The following CACNA1C variants were observed in gnomAD, a reference collection of about 807,000 sequenced individuals.
The protein encoded by CACNA1C is calcium voltage-gated channel subunit alpha1 C, also known as voltage-dependent L-type calcium channel subunit alpha-1C.
CACNA1C carries 30 observed loss-of-function variants against 229.0 expected under a neutral mutation model. The observed-to-expected ratio is 0.13, with a 90% CI of 0.10 to 0.18. The LOEUF (loss-of-function observed/expected upper bound fraction) is 0.18. Among genes scored for constraint, CACNA1C ranks in the 10% least tolerant of loss-of-function variants. The pLI is 1.00. For synonymous variants in CACNA1C, 1,114 were observed against 1,132.5 expected (o/e 0.98, Z 0.33); for missense variants, 1,658 against 2,845.0 (o/e 0.58, Z 9.49).
At chr12:2,156,731 G>C (rs1455627106) in intron 3 of CACNA1C, among the ~76,000 whole-genome samples, 2 of 152,202 alleles carry the variant, frequency 1.3e-5, no homozygotes, top group Non-Finnish European at 2.9e-5. Context: ...AAGTACCCGT[G>C]AATTCCACAA....
At chr12:2,284,285 A>G (rs1049992108) in intron 3 of CACNA1C, among the ~76,000 whole-genome samples, 2 of 147,180 alleles carry the variant, frequency 1.4e-5, no homozygotes, top group Admixed American at 1.4e-4. Context: ...TCTAGAACAG[A>G]CCTCTAGATT....
intron 5 of CACNA1C, among the ~76,000 whole-genome samples, chr12:2,483,904 G>A (rs968072240): frequency 4.6e-5 from 7 of 152,184 alleles, no homozygotes; most frequent in Non-Finnish European, 1.0e-4. Context: ...GAAAGCAGGT[G>A]TCTGTGCAGC....
chr12:2,076,041 C>A (rs1196512956), intron 1 of CACNA1C, among the ~76,000 whole-genome samples: 1 of 152,210 alleles, frequency 6.6e-6, no homozygotes, highest in Non-Finnish European at 1.5e-5. Context: ...GGACACAGGG[C>A]AGCCTGATAC....
chr12:2,019,208 T>A (rs1217476708), intron 1 of CACNA1C, among the ~76,000 whole-genome samples: 1 of 152,126 alleles, frequency 6.6e-6, no homozygotes, highest in Admixed American at 6.5e-5. Flanking sequence ...ACACCTGTAA[T>A]CCTGACCCTT....
Position 2,275,984 on chromosome 12 carries a change from C to T in CACNA1C, c.477+155554C>T, listed in dbSNP as rs996456168. Among the ~76,000 whole-genome samples the T allele has an allele frequency of 2.0e-5, 3 of 152,050 alleles. No homozygotes were observed. Among genetic ancestry groups the T allele is most frequent in the African/African-American group, 7.2e-5 (3 of 41,386 alleles). ...ATACAAAACCCAAGGATGCCCATGT[C>T]CTTTTATGTATGTAGATTATATGCA... On this transcript the variant is annotated intron_variant, in intron 3 of 46. Transcript: ENST00000399655. This position sits in a 1 kb window ranked among gnomAD's most constrained non-coding sequence, Gnocchi z 4.1.
chr12:2,203,198 A>G (rs2097649661), intron 3 of CACNA1C, among the ~76,000 whole-genome samples: 1 of 152,182 alleles, frequency 6.6e-6, no homozygotes, highest in Non-Finnish European at 1.5e-5. Flanking sequence ...GCGACCAGCC[A>G]GGACTGAGAA....
In CACNA1C at chr12:2,467,019, A is replaced by T. The variant is rs1348810795; in HGVS notation, c.757+9313A>T. On this transcript the variant is annotated intron_variant, in intron 5 of 46. Transcript: ENST00000399655. The surrounding 1 kb of genome is among the most constrained non-coding windows in gnomAD (Gnocchi z 4.6). ...AGGCCACATACCCTTAAACAACATGAGGGGACACTTACAAAGCTACTTATG... is the reference window on the plus strand; with the variant it reads ...AGGCCACATACCCTTAAACAACATGTGGGGACACTTACAAAGCTACTTATG... Among the ~76,000 whole-genome samples the T allele has an allele frequency of 6.6e-6, 1 of 152,108 alleles. No homozygotes were observed. The highest frequency in any genetic ancestry group is 1.5e-5 in the Non-Finnish European group (1 of 68,008).
intron 39 of CACNA1C, among the ~76,000 whole-genome samples, chr12:2,675,521 T>TA (rs1285884754): frequency 1.3e-5 from 2 of 152,210 alleles, no homozygotes; most frequent in Non-Finnish European, 2.9e-5. Context: ...ATGTGACACT[T>TA]ACGGTGAGTG....
chr12:2,080,594 C>CT (rs1335722828), intron 1 of CACNA1C, among the ~76,000 whole-genome samples: 1 of 59,974 alleles, frequency 1.7e-5, no homozygotes, highest in Non-Finnish European at 3.6e-5. Flanking sequence ...GAGTGAGACT[C>CT]TGTCTCAAAA....
intron 1 of CACNA1C, among the ~76,000 whole-genome samples, chr12:2,082,263 T>C (rs2065922991): frequency 6.6e-6 from 1 of 152,158 alleles, no homozygotes. Context: ...ACTGTTTCCT[T>C]CTCTGAGTAG....
rs1279736475 is a variant in CACNA1C, at chr12:2,573,020, CCTT to C, written c.1895+5234_1895+5236del. On this transcript the variant is annotated intron_variant, in intron 13 of 46. Coordinates refer to ENST00000399655, the MANE Select transcript of CACNA1C (RefSeq NM_000719.7). Reference sequence around the variant, plus strand: ...TCCTCCTTCTTCTCCTCCTCCTCCTCCTTCTTCTTCCTTTTCTTCTTCTTCTTC... The same window carrying C: ...TCCTCCTTCTTCTCCTCCTCCTCCTCCTTCTTCCTTTTCTTCTTCTTCTTC... 4.7e-5 allele frequency among the ~76,000 whole-genome samples: 7 copies of C among 149,928 alleles called. No homozygotes were observed. The East Asian group carries it at 1.4e-3, about 30-fold the overall frequency.
At chr12:2,270,727 C>T (rs530788987) in intron 3 of CACNA1C, among the ~76,000 whole-genome samples, 43 of 152,298 alleles carry the variant, frequency 2.8e-4, no homozygotes, top group African/African-American at 6.7e-4. Context: ...AAGTAGGGCT[C>T]GTGGTCCTCA....
intron 3 of CACNA1C, among the ~76,000 whole-genome samples, chr12:2,218,486 T>C (rs1352059538): frequency 6.6e-6 from 1 of 152,166 alleles, no homozygotes; most frequent in Non-Finnish European, 1.5e-5. Context: ...ACTCCCTTTT[T>C]TATTCCTGTA....
intron 43 of CACNA1C, among the ~76,000 whole-genome samples, chr12:2,685,036 A>G (rs1298098441): frequency 6.6e-6 from 1 of 152,192 alleles, no homozygotes; most frequent in Non-Finnish European, 1.5e-5. Flanking sequence ...AAATTTTAAT[A>G]AAAATAGAAC....
At chr12:2,418,160 C>T (rs1230355850) in intron 3 of CACNA1C, among the ~76,000 whole-genome samples, 5 of 152,164 alleles carry the variant, frequency 3.3e-5, no homozygotes, top group African/African-American at 1.2e-4. Context: ...AGAACCCTAG[C>T]ATTACGGCAG....
chr12:2,204,426 A>G (rs2097690242), intron 3 of CACNA1C, among the ~76,000 whole-genome samples: 1 of 151,992 alleles, frequency 6.6e-6, no homozygotes, highest in Non-Finnish European at 1.5e-5. Flanking sequence ...CATTTGACCC[A>G]GCCATCCCAT....
Position 2,447,650 on chromosome 12 carries a change from C to G in CACNA1C, c.478-1326C>G, listed in dbSNP as rs191181978. Among the ~76,000 whole-genome samples, 62 of 152,312 alleles carry G rather than the reference C, an allele frequency of 4.1e-4. No individual in the cohort carries two copies. In the East Asian group the frequency reaches 0.011, roughly 27 times the overall value. On this transcript the variant is annotated intron_variant, in intron 3 of 46. Transcript: ENST00000399655. Reference sequence around the variant, plus strand: ...ATGGGAGCCCAGGGTACTGATATGGCCTGATGGCTCCCTGCAGAGCTTCCC... The same window carrying G: ...ATGGGAGCCCAGGGTACTGATATGGGCTGATGGCTCCCTGCAGAGCTTCCC...
At chr12:2,681,380 AAAC>A (rs1368847723) in intron 42 of CACNA1C, among the ~76,000 whole-genome samples, 1 of 152,216 alleles carries the variant, frequency 6.6e-6, no homozygotes, top group East Asian at 1.9e-4. Context: ...CAGATGGTAC[AAAC>A]AACACACAGG....
chr12:2,569,615 A>G (rs2053261766), intron 13 of CACNA1C, among the ~76,000 whole-genome samples: 1 of 152,238 alleles, frequency 6.6e-6, no homozygotes, highest in Non-Finnish European at 1.5e-5. Flanking sequence ...GTTGTAGCAT[A>G]GATCAGTACT....
Sources: allele counts gnomAD v4.1 joint callset (sites outside exome capture counted in the v4.1 genomes callset), GRCh38; gene constraint gnomAD v4.1.1; non-coding constraint Gnocchi (gnomAD v3.1); transcripts MANE v1.5; gene names NCBI Gene and HGNC (gene_info 2026-07-23, HGNC 2026-07-21).